Variants in C9 observed in about 807,000 individuals in gnomAD.
C9 encodes complement C9, also known as complement component C9.
In C9, 63 loss-of-function variants were observed where a neutral mutation model predicts 65.4. That is an observed-to-expected ratio of 0.96 (90% CI 0.79 to 1.19). The LOEUF (loss-of-function observed/expected upper bound fraction) is 1.19, where lower values mean the gene tolerates loss of function less well. C9 is among the 50% of genes most tolerant of loss of function. The pLI is 0.00. For missense variants in C9, 744 were observed against 670.1 expected, an observed-to-expected ratio of 1.11 and a Z score of -1.22; for synonymous variants, 229 against 227.9, an observed-to-expected ratio of 1.00 and a Z score of -0.04.
chr5:39,347,178 A>C (rs992998907), intron 1 of C9, among the ~76,000 whole-genome samples: 15 of 152,094 alleles, frequency 9.9e-5, no homozygotes, highest in African/African-American at 2.2e-4. Flanking sequence ...CCAGGGCAAT[A>C]AGGCAGGAGA....
chr5:39,355,454 C>A (rs1469705102), intron 1 of C9, among the ~76,000 whole-genome samples: 1 of 67,188 alleles, frequency 1.5e-5, no homozygotes, highest in Non-Finnish European at 5.2e-5. Context: ...CCCAAGGACT[C>A]CTTTTTGTTT....
chr5:39,340,599 G>A (rs1754058901), intron 4 of C9, among the ~76,000 whole-genome samples: 1 of 152,214 alleles, frequency 6.6e-6, no homozygotes, highest in Non-Finnish European at 1.5e-5. Context: ...TGGAAAATGA[G>A]TGAAATGTCA....
intron 9 of C9, among the ~76,000 whole-genome samples, chr5:39,299,064 A>G (rs1753237159): frequency 6.6e-6 from 1 of 151,994 alleles, no homozygotes; most frequent in Non-Finnish European, 1.5e-5. Flanking sequence ...TAATCTATGT[A>G]AAACCTACAG....
chr5:39,327,405 T>C (rs529448011), intron 5 of C9, among the ~76,000 whole-genome samples: 1 of 152,266 alleles, frequency 6.6e-6, no homozygotes, highest in African/African-American at 2.4e-5. Flanking sequence ...GCAGTGGGAA[T>C]GGGGAATAAG....
At chr5:39,326,088 A>G (rs116518942) in intron 5 of C9, among the ~76,000 whole-genome samples, 4,504 of 152,094 alleles carry the variant, frequency 0.03, 209 homozygotes, top group African/African-American at 0.1. Flanking sequence ...TCTATAGAAA[A>G]TTTAGTTTGT....
intron 1 of C9, among the ~76,000 whole-genome samples, chr5:39,353,514 C>T (rs1252558390): frequency 6.6e-6 from 1 of 152,194 alleles, no homozygotes; most frequent in Non-Finnish European, 1.5e-5. Context: ...CTATTCACTA[C>T]ATTGATCTCA....
intron 4 of C9, 109 bp from the exon 5 acceptor site, chr5:39,331,923 C>T (rs1753849339): frequency 2.2e-6 from 2 of 912,178 alleles, no homozygotes; most frequent in Non-Finnish European, 3.7e-6. Context: ...CACCGTCACC[C>T]AATATGTGTG....
At chr5:39,361,821 A>C (rs35566925) in intron 1 of C9, among the ~76,000 whole-genome samples, 1 of 152,218 alleles carries the variant, frequency 6.6e-6, no homozygotes, top group African/African-American at 2.4e-5. Context: ...AAAGAAAAAA[A>C]CAATAGTTAG....
At chr5:39,287,423 C>T (rs1019290867) in intron 10 of C9, among the ~76,000 whole-genome samples, 1 of 151,936 alleles carries the variant, frequency 6.6e-6, no homozygotes, top group African/African-American at 2.4e-5. Flanking sequence ...TACCACTCAA[C>T]AGTCCCACTA....
rs1414681950 is a variant in C9 at position 39,284,974 on chromosome 5, C to T, written c.*225G>A. On this transcript the variant is annotated 3_prime_UTR_variant, in exon 11 of 11. Coordinates refer to ENST00000263408, the MANE Select transcript of C9 (RefSeq NM_001737.5). ...GATAAAGCAGTTCTGGCGTATTTCA[C>T]TGTTGACTTCTCATTAGGGAACAAA... The T allele has an allele frequency of 8.1e-6, 4 of 496,742 alleles. No homozygotes were observed. In the East Asian group the frequency reaches 1.3e-4, roughly 16 times the overall value. The allele number at this position is 496,742 out of a possible 1,614,324, so 30.8% of individuals were successfully genotyped here.
intron 1 of C9, among the ~76,000 whole-genome samples, chr5:39,348,536 G>C (rs62358365): frequency 1.3e-5 from 2 of 152,164 alleles, no homozygotes; most frequent in African/African-American, 2.4e-5. Context: ...TGCTGGAGAG[G>C]ATGTGGAGAA....
At chr5:39,347,608 T>G (rs549318477) in intron 1 of C9, among the ~76,000 whole-genome samples, 13 of 152,270 alleles carry the variant, frequency 8.5e-5, no homozygotes, top group East Asian at 1.9e-4. Flanking sequence ...AGGTAATTTA[T>G]AGATTCAATG....
chr5:39,320,692 A>C (rs973031209), intron 5 of C9, among the ~76,000 whole-genome samples: 2 of 152,140 alleles, frequency 1.3e-5, no homozygotes, highest in Non-Finnish European at 2.9e-5. Context: ...AAGAACCCCA[A>C]ATAGACTATA....
rs577257328 is a variant in C9, at chr5:39,333,981, G to A, written c.477-2167C>T. On this transcript the variant is annotated intron_variant, in intron 4 of 10. Coordinates refer to ENST00000263408, the MANE Select transcript of C9 (RefSeq NM_001737.5). ...TCGCTGCAGCCTCCACCTCCCAGCC[G>A]CCTGCCTTGGCCCCCCAAAGTGCCG... Among the ~76,000 whole-genome samples, 1,068 of 152,260 alleles carry A rather than the reference G, an allele frequency of 7.0e-3. 7 individuals are homozygous for A. Among genetic ancestry groups the A allele is most frequent in the South Asian group, 0.014 (69 of 4,832 alleles).
rs72196067 is a variant in C9 at position 39,359,088 on chromosome 5, ATGTG to A, written c.77+5296_77+5299del. On this transcript the variant is annotated intron_variant, in intron 1 of 10. Transcript: ENST00000263408. ...TATATATATGTGTGTGTATATATATATGTGTGTGTGTGTGTATATATATATATAT... is the reference window on the plus strand; with the variant it reads ...TATATATATGTGTGTGTATATATATATGTGTGTGTGTATATATATATATAT... Among the ~76,000 whole-genome samples the A allele has an allele frequency of 7.2e-3, 786 of 109,224 alleles. 10 individuals carry two copies. The highest frequency in any genetic ancestry group is 0.022 in the African/African-American group (638 of 29,586). 71.7% of individuals were successfully genotyped at this position (109,224 alleles called of 152,430 possible).
chr5:39,290,363 T>G (rs1753066472), intron 9 of C9, among the ~76,000 whole-genome samples: 1 of 151,834 alleles, frequency 6.6e-6, no homozygotes, highest in Non-Finnish European at 1.5e-5. Flanking sequence ...GTGAATAAAC[T>G]GTTAGAAATA....
intron 1 of C9, among the ~76,000 whole-genome samples, chr5:39,362,695 C>G (rs1292970634): frequency 6.6e-6 from 1 of 152,148 alleles, no homozygotes; most frequent in Non-Finnish European, 1.5e-5. Flanking sequence ...TTGACCTGAG[C>G]CTGGGAAGTC....
At chr5:39,348,970 A>G (rs557657295) in intron 1 of C9, among the ~76,000 whole-genome samples, 2 of 137,656 alleles carry the variant, frequency 1.5e-5, no homozygotes, top group South Asian at 4.9e-4. Context: ...GGATTGAGCA[A>G]TGAGAACACT....
At chr5:39,359,810 T>C (rs1443425515) in intron 1 of C9, among the ~76,000 whole-genome samples, 6 of 152,182 alleles carry the variant, frequency 3.9e-5, no homozygotes, top group Non-Finnish European at 7.4e-5. Context: ...CCTCACTAGA[T>C]TGTAAGCCCA....
Sources: allele counts gnomAD v4.1 joint callset (sites outside exome capture counted in the v4.1 genomes callset), GRCh38; gene constraint gnomAD v4.1.1; transcripts MANE v1.5; gene names NCBI Gene and HGNC (gene_info 2026-07-23, HGNC 2026-07-21).